PNPLA8: variants seen among roughly 807,000 people sequenced by gnomAD.
PNPLA8 encodes patatin like domain 8, phospholipase A2, also known as calcium-independent phospholipase A2-gamma.
PNPLA8 carries 39 observed loss-of-function variants against 76.9 expected under a neutral mutation model. The observed-to-expected ratio is 0.51, with a 90% confidence interval of 0.39 to 0.66. The LOEUF (loss-of-function observed/expected upper bound fraction) is 0.66. Ranked by LOEUF, PNPLA8 falls within the 30% of genes least tolerant of loss-of-function variation. PNPLA8 has a pLI of 0.00. For synonymous variants in PNPLA8, 301 were observed against 307.9 expected (o/e 0.98, Z 0.24); for missense variants, 887 against 918.0 (o/e 0.97, Z 0.44).
chr7:108,484,900 C>A (rs915838951), intron 9 of PNPLA8, among the ~76,000 whole-genome samples: 3 of 152,166 alleles, frequency 2.0e-5, no homozygotes, highest in Non-Finnish European at 4.4e-5. Context: ...CACTACATTT[C>A]TGTCCAGTTA....
chr7:108,500,672 G>A (rs918722752), intron 5 of PNPLA8, among the ~76,000 whole-genome samples: 1 of 152,148 alleles, frequency 6.6e-6, no homozygotes, highest in African/African-American at 2.4e-5. Context: ...CACTTTGGGA[G>A]GCCAAGGCGG....
chr7:108,477,099 T>C (rs765399420), intron 10 of PNPLA8, among the ~76,000 whole-genome samples: 7 of 152,224 alleles, frequency 4.6e-5, no homozygotes, highest in Non-Finnish European at 8.8e-5. Context: ...TTAAGTTTTG[T>C]TTACTTTAAA....
intron 4 of PNPLA8, chr7:108,510,473 T>C: frequency 1.4e-6 from 2 of 1,430,282 alleles, no homozygotes; most frequent in Non-Finnish European, 1.9e-6. Context: ...TGGCAACTAC[T>C]TTGTACCTGC....
chr7:108,484,030 T>C (rs907717433), intron 9 of PNPLA8, among the ~76,000 whole-genome samples: 1 of 152,204 alleles, frequency 6.6e-6, no homozygotes, highest in Non-Finnish European at 1.5e-5. Context: ...ATTTTCATTA[T>C]ATAAAAGCCT....
At chr7:108,477,592 G>T (rs1860090725) in intron 10 of PNPLA8, among the ~76,000 whole-genome samples, 1 of 152,126 alleles carries the variant, frequency 6.6e-6, no homozygotes, top group African/African-American at 2.4e-5. Flanking sequence ...AGGCCCAGTG[G>T]CCCATGCTAG....
chr7:108,518,000 T>C (rs999383296), intron 2 of PNPLA8, among the ~76,000 whole-genome samples: 1 of 152,218 alleles, frequency 6.6e-6, no homozygotes, highest in Non-Finnish European at 1.5e-5. Context: ...GACTGGGAAG[T>C]CCAAGATCAG....
chr7:108,510,429 C>G, intron 4 of PNPLA8: 1 of 1,495,524 alleles, frequency 6.7e-7, no homozygotes, highest in Non-Finnish European at 9.2e-7. Flanking sequence ...ATGTACAGAA[C>G]TGAAATTCGA....
chr7:108,513,761 G>A (rs1217497922), intron 4 of PNPLA8, among the ~76,000 whole-genome samples: 2 of 151,948 alleles, frequency 1.3e-5, no homozygotes, highest in Non-Finnish European at 2.9e-5. Context: ...TTTCAAATAC[G>A]AAAGGACCAT....
chr7:108,482,966 A>C, intron 9 of PNPLA8, among the ~76,000 whole-genome samples: 1 of 152,200 alleles, frequency 6.6e-6, no homozygotes, highest in Non-Finnish European at 1.5e-5. Context: ...CTGTTACTAA[A>C]ATTTCTCATG....
At chr7:108,488,686 A>T (rs1860924606) in intron 8 of PNPLA8, among the ~76,000 whole-genome samples, 1 of 152,216 alleles carries the variant, frequency 6.6e-6, no homozygotes, top group Non-Finnish European at 1.5e-5. Flanking sequence ...ATAACTCTGA[A>T]ATGTAACACT....
chr7:108,477,134 T>G (rs1860056137), intron 10 of PNPLA8, among the ~76,000 whole-genome samples: 1 of 152,218 alleles, frequency 6.6e-6, no homozygotes, highest in Non-Finnish European at 1.5e-5. Context: ...AAATCTTAAG[T>G]GTTCTTACCA....
At chr7:108,511,640 T>C (rs1182040706) in intron 4 of PNPLA8, among the ~76,000 whole-genome samples, 1 of 152,178 alleles carries the variant, frequency 6.6e-6, no homozygotes, top group Non-Finnish European at 1.5e-5. Flanking sequence ...GAAGAAGGTG[T>C]GGCTGAAGGA....
chr7:108,521,365 G>A (rs941719807), intron 2 of PNPLA8, 111 bp downstream of exon 2: 2 of 159,516 alleles, frequency 1.3e-5, no homozygotes, highest in African/African-American at 4.8e-5. Context: ...TGTTATACCA[G>A]ACCTAAACTA....
At chr7:108,513,651 T>C (rs1863092291) in intron 4 of PNPLA8, among the ~76,000 whole-genome samples, 1 of 152,108 alleles carries the variant, frequency 6.6e-6, no homozygotes, top group African/African-American at 2.4e-5. Context: ...ATTATCTTCA[T>C]TATTTTATAG....
intron 7 of PNPLA8, among the ~76,000 whole-genome samples, chr7:108,495,791 C>T (rs1861503043): frequency 6.6e-6 from 1 of 152,012 alleles, no homozygotes; most frequent in Non-Finnish European, 1.5e-5. Flanking sequence ...GTGTAACATC[C>T]CACTCTGGAG....
At chr7:108,522,078 G>A (rs1209682939) in intron 1 of PNPLA8, among the ~76,000 whole-genome samples, 2 of 151,604 alleles carry the variant, frequency 1.3e-5, no homozygotes, top group East Asian at 3.9e-4. Flanking sequence ...GGTGGATGAC[G>A]AAGTCAGGAG....
intron 7 of PNPLA8, among the ~76,000 whole-genome samples, chr7:108,491,899 G>C (rs544941000): frequency 2.0e-5 from 3 of 152,300 alleles, no homozygotes; most frequent in East Asian, 1.9e-4. Flanking sequence ...AAGTATGCAC[G>C]GGCTAGTTAG....
intron 10 of PNPLA8, among the ~76,000 whole-genome samples, chr7:108,476,301 C>T (rs965616177): frequency 1.1e-4 from 17 of 152,118 alleles, no homozygotes; most frequent in African/African-American, 3.9e-4. Context: ...CAAATAAGCC[C>T]ATTACATGGT....
chr7:108,510,818 G>A (rs1404444864), intron 4 of PNPLA8: 2 of 1,600,368 alleles, frequency 1.2e-6, no homozygotes, highest in Non-Finnish European at 1.7e-6. Flanking sequence ...GATCTATACT[G>A]TTGGAAAACG....
Sources: allele counts gnomAD v4.1 joint callset (sites outside exome capture counted in the v4.1 genomes callset), GRCh38; gene constraint gnomAD v4.1.1; transcripts MANE v1.5; gene names NCBI Gene and HGNC (gene_info 2026-07-23, HGNC 2026-07-21).